CACNA2D3: variants seen among roughly 807,000 people sequenced by gnomAD.
The protein encoded by CACNA2D3 is calcium voltage-gated channel auxiliary subunit alpha2delta 3.
In CACNA2D3, 60 loss-of-function variants were observed where a neutral mutation model predicts 160.6. That is an observed-to-expected ratio of 0.37 (90% CI 0.30 to 0.46). The LOEUF (loss-of-function observed/expected upper bound fraction) is 0.46, where lower values mean the gene tolerates loss of function less well. Among genes scored for constraint, CACNA2D3 ranks in the 20% least tolerant of loss-of-function variants. The pLI is 1.00. For synonymous variants in CACNA2D3, 558 were observed against 492.9 expected, an observed-to-expected ratio of 1.13 and a Z score of -1.75; for missense variants, 1,205 against 1,365.0, an observed-to-expected ratio of 0.88 and a Z score of 1.85.
intron 2 of CACNA2D3, among the ~76,000 whole-genome samples, chr3:54,188,442 T>G (rs1700922401): frequency 6.6e-6 from 1 of 152,176 alleles, no homozygotes; most frequent in Non-Finnish European, 1.5e-5. Flanking sequence ...AGAATAGCGT[T>G]CTCGGCAGAG....
chr3:54,780,417 T>G (rs1212132814), intron 13 of CACNA2D3, among the ~76,000 whole-genome samples: 2 of 152,224 alleles, frequency 1.3e-5, no homozygotes, highest in Non-Finnish European at 2.9e-5. Context: ...GGCATATTGT[T>G]TATACTGTAT....
chr3:55,036,155 A>G (rs1395173038), intron 35 of CACNA2D3, among the ~76,000 whole-genome samples: 1 of 152,168 alleles, frequency 6.6e-6, no homozygotes, highest in Non-Finnish European at 1.5e-5. Flanking sequence ...CATAAAATGA[A>G]AACACCCTTG....
intron 31 of CACNA2D3, among the ~76,000 whole-genome samples, chr3:55,001,955 G>A (rs937608031): frequency 4.6e-5 from 7 of 152,074 alleles, no homozygotes; most frequent in East Asian, 1.9e-4. Context: ...TCAGGAGTTC[G>A]AGACCAGCCT....
intron 9 of CACNA2D3, among the ~76,000 whole-genome samples, chr3:54,605,534 G>GC (rs1451790115): frequency 6.6e-6 from 1 of 151,898 alleles, no homozygotes; most frequent in African/African-American, 2.4e-5. Flanking sequence ...AACCACAGCA[G>GC]CCCATGCTCC....
intron 35 of CACNA2D3, among the ~76,000 whole-genome samples, chr3:55,056,420 G>A (rs1179344067): frequency 1.3e-5 from 2 of 152,100 alleles, no homozygotes; most frequent in African/African-American, 4.8e-5. Context: ...ACTAAAAATA[G>A]AATTACCGTA....
intron 3 of CACNA2D3, among the ~76,000 whole-genome samples, chr3:54,326,772 T>G (rs1370891905): frequency 6.6e-6 from 1 of 152,234 alleles, no homozygotes; most frequent in Non-Finnish European, 1.5e-5. Flanking sequence ...ATCTAAAATA[T>G]TTTTGTTTTC....
intron 35 of CACNA2D3, among the ~76,000 whole-genome samples, chr3:55,042,690 G>C (rs1359477006): frequency 1.3e-5 from 2 of 152,074 alleles, no homozygotes; most frequent in Admixed American, 6.6e-5. Context: ...TGAGTTTTGA[G>C]AAATATTTAC....
chr3:54,480,066 G>C (rs1259707115), intron 4 of CACNA2D3, among the ~76,000 whole-genome samples: 1 of 152,064 alleles, frequency 6.6e-6, no homozygotes, highest in African/African-American at 2.4e-5. Flanking sequence ...AGTCGAATCT[G>C]TAATAGGACT....
chr3:55,059,416 A>G (rs1559476502), intron 35 of CACNA2D3, among the ~76,000 whole-genome samples: 1 of 151,946 alleles, frequency 6.6e-6, no homozygotes, highest in African/African-American at 2.4e-5. Context: ...GAGTTATCTG[A>G]CCCCCCTCGC....
At chr3:54,246,776 T>C (rs1702090368) in intron 2 of CACNA2D3, among the ~76,000 whole-genome samples, 2 of 151,520 alleles carry the variant, frequency 1.3e-5, no homozygotes, top group South Asian at 4.1e-4. Flanking sequence ...AAAGCAACTA[T>C]CATAAATTTT....
chr3:54,136,026 C>T (rs1316717300), intron 2 of CACNA2D3, among the ~76,000 whole-genome samples: 5 of 152,220 alleles, frequency 3.3e-5, no homozygotes, highest in Admixed American at 1.3e-4. Flanking sequence ...TGCTCCCTGT[C>T]CCATGCCTTT....
At chr3:54,352,732 A>G (rs58288863) in intron 3 of CACNA2D3, among the ~76,000 whole-genome samples, 4,088 of 152,334 alleles carry the variant, frequency 0.027, 177 homozygotes, top group African/African-American at 0.093. Context: ...AGTGGTGCTT[A>G]CTTTATTCAA....
intron 11 of CACNA2D3, among the ~76,000 whole-genome samples, chr3:54,723,585 G>T (rs141723239): frequency 2.6e-5 from 4 of 152,216 alleles, no homozygotes; most frequent in Admixed American, 2.6e-4. Flanking sequence ...CACAGTTTCT[G>T]TGCCAGAGTT....
chr3:54,864,464 G>C (rs180887977), intron 17 of CACNA2D3, among the ~76,000 whole-genome samples: 1 of 152,212 alleles, frequency 6.6e-6, no homozygotes, highest in Non-Finnish European at 1.5e-5. Context: ...GGTAGAGATG[G>C]GTTTTTGCCA....
At chr3:54,660,983 C>T (rs1256664242) in intron 11 of CACNA2D3, among the ~76,000 whole-genome samples, 8 of 152,168 alleles carry the variant, frequency 5.3e-5, no homozygotes, top group Non-Finnish European at 1.2e-4. Context: ...GTAAGAGCTG[C>T]ATGTTAACTG....
chr3:54,703,025 A>T (rs1051865784), intron 11 of CACNA2D3, among the ~76,000 whole-genome samples: 4 of 152,170 alleles, frequency 2.6e-5, no homozygotes, highest in African/African-American at 9.7e-5. Flanking sequence ...GGAGCTAAAC[A>T]TTGAGTACAC....
intron 2 of CACNA2D3, among the ~76,000 whole-genome samples, chr3:54,146,859 G>A (rs918197624): frequency 2.6e-5 from 4 of 152,246 alleles, no homozygotes; most frequent in Non-Finnish European, 5.9e-5. Context: ...TGGAGGCTGC[G>A]CAGGGCTCTG....
At chr3:54,316,403 A>C (rs900387556) in intron 2 of CACNA2D3, among the ~76,000 whole-genome samples, 18 of 152,206 alleles carry the variant, frequency 1.2e-4, no homozygotes, top group African/African-American at 4.3e-4. Flanking sequence ...CATTTCCTGG[A>C]AAGAGTAAGG....
At chr3:54,316,488 A>G (rs1030215467) in intron 2 of CACNA2D3, among the ~76,000 whole-genome samples, 12 of 152,118 alleles carry the variant, frequency 7.9e-5, no homozygotes, top group Non-Finnish European at 1.0e-4. Context: ...TGCTTATGAG[A>G]TACTTCCCCA....
Sources: gnomAD v4.1 joint callset for allele counts (sites outside exome capture counted in the v4.1 genomes callset) on GRCh38, gnomAD v4.1.1 for gene constraint, MANE v1.5 for transcripts, NCBI Gene and HGNC (gene_info 2026-07-23, HGNC 2026-07-21) for gene names.